WWP2: variants seen among roughly 807,000 people sequenced by gnomAD.
The protein encoded by WWP2 is WW domain containing E3 ubiquitin protein ligase 2, also known as NEDD4-like E3 ubiquitin-protein ligase WWP2.
A neutral mutation model predicts 121.0 loss-of-function variants in WWP2; 57 were observed. That is an observed-to-expected ratio of 0.47 (90% confidence interval 0.38 to 0.59). The LOEUF is 0.59. Among genes scored for constraint, WWP2 ranks in the 20% least tolerant of loss-of-function variants. The pLI, the probability that WWP2 is intolerant of heterozygous loss-of-function variation, is 0.00. For missense variants in WWP2, 962 were observed against 1,158.9 expected (o/e 0.83, Z 2.47); for synonymous variants, 449 against 441.3 (o/e 1.02, Z -0.22).
chr16:69,797,941 C>A (rs1454376118), intron 2 of WWP2, among the ~76,000 whole-genome samples: 1 of 152,032 alleles, frequency 6.6e-6, no homozygotes, highest in Non-Finnish European at 1.5e-5. Context: ...TGGTCTTGAA[C>A]TCCTGGGCTG....
intron 19 of WWP2, chr16:69,936,751 G>T: frequency 2.0e-6 from 1 of 503,446 alleles, no homozygotes; most frequent in Non-Finnish European, 3.6e-6. Flanking sequence ...TCTCCGGGCC[G>T]AAAGGATCTC....
chr16:69,910,540 G>T (rs1481616240), intron 9 of WWP2: 2 of 203,366 alleles, frequency 9.8e-6, no homozygotes, highest in East Asian at 3.7e-4. Context: ...CTCCTAAGTA[G>T]CTGGGATTAC....
intron 1 of WWP2, among the ~76,000 whole-genome samples, chr16:69,770,832 T>C (rs542805823): frequency 6.6e-6 from 1 of 152,142 alleles, no homozygotes; most frequent in Non-Finnish European, 1.5e-5. Context: ...ACACATCTGG[T>C]GTCAGAAGTA....
chr16:69,924,511 T>A (rs2151980868), intron 10 of WWP2, among the ~76,000 whole-genome samples: 1 of 152,198 alleles, frequency 6.6e-6, no homozygotes, highest in East Asian at 1.9e-4. Flanking sequence ...AACACCCCCC[T>A]TCCCCGCAGG....
chr16:69,828,387 A>G lies in WWP2; in HGVS notation c.341-11739A>G, dbSNP rs1476182741. Among the ~76,000 whole-genome samples the G allele has an allele frequency of 3.9e-5, 6 of 152,000 alleles. No homozygotes were observed. The East Asian group carries it at 1.2e-3, about 29-fold the overall frequency. On this transcript the variant is annotated intron_variant, in intron 4 of 23. Transcript: ENST00000359154. ...TAATTTTTTATTAATTTTCTTTGAG[A>G]CATAGTTTCGCTCTTGTTGCCCAGG...
intron 1 of WWP2, among the ~76,000 whole-genome samples, 167 bp from the exon 2 acceptor site, chr16:69,786,829 G>A (rs1453779476): frequency 1.3e-5 from 2 of 152,142 alleles, no homozygotes; most frequent in East Asian, 3.9e-4. Context: ...CCTAAGACCT[G>A]TCCAGGTTCA....
intron 9 of WWP2, among the ~76,000 whole-genome samples, chr16:69,913,155 G>A (rs2058426335): frequency 1.4e-5 from 2 of 147,302 alleles, no homozygotes; most frequent in Admixed American, 1.4e-4. Context: ...CTCCTAAGTA[G>A]TTGGGGTTAC....
chr16:69,919,850 T>C (rs150569142), intron 10 of WWP2, among the ~76,000 whole-genome samples: 1 of 149,208 alleles, frequency 6.7e-6, no homozygotes, highest in Non-Finnish European at 1.5e-5. Context: ...TGGAGTGCAG[T>C]GGCATGATCA....
chr16:69,818,679 G>A (rs971731035), intron 4 of WWP2, among the ~76,000 whole-genome samples: 1 of 152,108 alleles, frequency 6.6e-6, no homozygotes, highest in Non-Finnish European at 1.5e-5. Flanking sequence ...CTTGACATAT[G>A]TTCTGCCTTG....
intron 5 of WWP2, among the ~76,000 whole-genome samples, chr16:69,840,792 A>T (rs1313272713): frequency 6.6e-6 from 1 of 152,172 alleles, no homozygotes; most frequent in African/African-American, 2.4e-5. Context: ...TCTAGCAGGA[A>T]ATTATTTCAT....
intron 8 of WWP2, among the ~76,000 whole-genome samples, chr16:69,891,933 G>C (rs1424339881): frequency 6.6e-6 from 1 of 152,220 alleles, no homozygotes; most frequent in Non-Finnish European, 1.5e-5. Flanking sequence ...TGGGCCTCCA[G>C]ACTGTGCTGT....
intron 8 of WWP2, among the ~76,000 whole-genome samples, chr16:69,907,993 C>T (rs2058320246): frequency 6.6e-6 from 1 of 152,204 alleles, no homozygotes; most frequent in Non-Finnish European, 1.5e-5. Flanking sequence ...GTAATCCCAG[C>T]ACTTTGGCAG....
intron 9 of WWP2, among the ~76,000 whole-genome samples, chr16:69,916,234 G>A (rs925131073): frequency 3.9e-5 from 6 of 152,086 alleles, no homozygotes; most frequent in East Asian, 1.9e-4. Context: ...TCACTCTGTC[G>A]CCCAGGCTGG....
chr16:69,817,984 C>G (rs548674670), intron 4 of WWP2, among the ~76,000 whole-genome samples: 1 of 151,704 alleles, frequency 6.6e-6, no homozygotes, highest in African/African-American at 2.4e-5. Flanking sequence ...AGAAGGTGGG[C>G]GTGTTTCAAG....
At chr16:69,845,125 A>T (rs572270570) in intron 6 of WWP2, among the ~76,000 whole-genome samples, 1 of 152,186 alleles carries the variant, frequency 6.6e-6, no homozygotes, top group South Asian at 2.1e-4. Flanking sequence ...AACCTCTCGG[A>T]TCCCCAGTTT....
In WWP2 at chr16:69,925,218, G is replaced by T. The variant is rs1230827863; in HGVS notation, c.1180-212G>T. On this transcript the variant is annotated intron_variant, in intron 10 of 23. Coordinates refer to ENST00000359154, the MANE Select transcript of WWP2 (RefSeq NM_001270454.2). The surrounding 1 kb of genome is among the most constrained non-coding windows in gnomAD (Gnocchi z 4.0). ...CAAAACTCACTTGGGCCCTCCGTGC[G>T]CAGGGTTCTTTTTTGGTTTTTCTGT... 7.1e-7 allele frequency: 1 copy of T among 1,416,578 alleles called. No individual in the cohort carries two copies. The highest frequency in any genetic ancestry group is 2.5e-5 in the East Asian group (1 of 39,966). 87.8% of individuals were successfully genotyped at this position (1,416,578 alleles called of 1,614,324 possible).
At chr16:69,823,462 CT>C (rs2056628758) in intron 4 of WWP2, among the ~76,000 whole-genome samples, 1 of 151,286 alleles carries the variant, frequency 6.6e-6, no homozygotes, top group South Asian at 2.1e-4. Context: ...TTTAAATTTT[CT>C]CTTTTTCTTG....
intron 6 of WWP2, among the ~76,000 whole-genome samples, chr16:69,853,758 G>T (rs945730538): frequency 6.6e-6 from 1 of 152,188 alleles, no homozygotes; most frequent in African/African-American, 2.4e-5. Flanking sequence ...GGACTGCATG[G>T]CTGGCTAATG....
chr16:69,865,944 C>T (rs2057513065), intron 6 of WWP2, among the ~76,000 whole-genome samples: 1 of 152,136 alleles, frequency 6.6e-6, no homozygotes. Flanking sequence ...TGGTTGAAAT[C>T]AGCAGTGAAC....
Sources: gnomAD v4.1 joint callset for allele counts (sites outside exome capture counted in the v4.1 genomes callset) on GRCh38, gnomAD v4.1.1 for gene constraint, Gnocchi (gnomAD v3.1) non-coding constraint, MANE v1.5 for transcripts, NCBI Gene and HGNC (gene_info 2026-07-23, HGNC 2026-07-21) for gene names.